The following PIK3CA variants were observed in gnomAD, a reference collection of about 807,000 sequenced individuals.
PIK3CA encodes the protein phosphatidylinositol-4,5-bisphosphate 3-kinase catalytic subunit alpha.
In PIK3CA, 27 loss-of-function variants were observed where a neutral mutation model predicts 138.2. That is an observed-to-expected ratio of 0.20 (90% confidence interval 0.14 to 0.27). The LOEUF (loss-of-function observed/expected upper bound fraction) is 0.27. Among genes scored for constraint, PIK3CA ranks in the 10% least tolerant of loss-of-function variants. PIK3CA has a pLI of 1.00. For synonymous variants in PIK3CA, 358 were observed against 413.2 expected (o/e 0.87, Z 1.62); for missense variants, 544 against 1,277.4 (o/e 0.43, Z 8.75).
chr3:179,149,449 A>C (rs1260388390), intron 1 of PIK3CA: 1 of 152,176 alleles, frequency 6.6e-6, no homozygotes, highest in Non-Finnish European at 1.5e-5. Context: ...CCGTGTTACC[A>C]GACTTGGGAA....
Position 179,224,125 on chromosome 3 carries a change from C to T in PIK3CA, c.2232C>T (p.Phe744=), listed in dbSNP as rs2108416763. 3 of 1,608,652 alleles carry T rather than the reference C, an allele frequency of 1.9e-6. No homozygotes were observed. The highest frequency in any genetic ancestry group is 2.6e-6 in the Non-Finnish European group (3 of 1,176,016). The change falls in exon 15 of 21, where the codon TTC becomes TTT. Residue 744 remains phenylalanine, a synonymous_variant. Coordinates refer to ENST00000263967, the MANE Select transcript of PIK3CA (RefSeq NM_006218.4). ...TTGAGCAAATGAGGCGACCAGATTT[C>T]ATGGATGCTCTACAGGGCTTTCTGT... ...FLVEQMRRPD[F]MDALQGFLSP...
chr3:179,172,523 C>T (rs1175435628), intron 1 of PIK3CA, among the ~76,000 whole-genome samples: 2 of 151,272 alleles, frequency 1.3e-5, no homozygotes, highest in African/African-American at 2.4e-5. Flanking sequence ...TAACAAGTGA[C>T]TTAGGCAAGG....
chr3:179,239,701 G>C lies in PIK3CA; in HGVS notation c.*5337G>C, dbSNP rs1196900673. Reference sequence around the variant, plus strand: ...CCAAAAGAAGACTACTAACACGTCAGATGTTCACCTGGAAGCTTTATCAAG... The same window carrying C: ...CCAAAAGAAGACTACTAACACGTCACATGTTCACCTGGAAGCTTTATCAAG... On this transcript the variant is annotated 3_prime_UTR_variant, in exon 21 of 21. Coordinates refer to ENST00000263967, the MANE Select transcript of PIK3CA (RefSeq NM_006218.4). 1 of 340,020 alleles carries C rather than the reference G, an allele frequency of 2.9e-6. No individual in the cohort carries two copies. The highest frequency in any genetic ancestry group is 2.1e-5 in the African/African-American group (1 of 47,426). The allele number at this position is 340,020 out of a possible 1,614,324, so 21.1% of individuals were successfully genotyped here.
intron 1 of PIK3CA, among the ~76,000 whole-genome samples, chr3:179,178,314 C>T (rs1723755531): frequency 6.8e-6 from 1 of 146,372 alleles, no homozygotes; most frequent in Non-Finnish European, 1.5e-5. Flanking sequence ...TTATGAACTA[C>T]TTAATATAAA....
chr3:179,211,538 G>A (rs1313880088), intron 9 of PIK3CA, among the ~76,000 whole-genome samples: 3 of 152,104 alleles, frequency 2.0e-5, no homozygotes, highest in Non-Finnish European at 4.4e-5. Context: ...GTGGTGGCAT[G>A]TGCCTGTAAT....
At chr3:179,190,069 C>CCA (rs1724088926) in intron 1 of PIK3CA, among the ~76,000 whole-genome samples, 1 of 152,164 alleles carries the variant, frequency 6.6e-6, no homozygotes, top group Admixed American at 6.5e-5. Flanking sequence ...CTGTGCATCT[C>CCA]CACTATAGTA....
chr3:179,168,975 A>G (rs2108360579), intron 1 of PIK3CA: 1 of 151,532 alleles, frequency 6.6e-6, no homozygotes, highest in South Asian at 2.1e-4. Context: ...TTGTAGTTTC[A>G]TAATTTTTTT....
intron 1 of PIK3CA, among the ~76,000 whole-genome samples, chr3:179,170,011 C>A (rs1723511344): frequency 6.6e-6 from 1 of 152,176 alleles, no homozygotes; most frequent in Non-Finnish European, 1.5e-5. Context: ...TTCCCTGCCT[C>A]CCTTCCTCCC....
chr3:179,153,716 G>A lies in PIK3CA; in HGVS notation c.-77+5113G>A, dbSNP rs991937891. On this transcript the variant is annotated intron_variant, in intron 1 of 20. Transcript: ENST00000263967. ...GTTTCTTGTTACCAGTCTTATTTTTGTATAAATCAAATTTGCTTGCCTGAG... is the reference window on the plus strand; with the variant it reads ...GTTTCTTGTTACCAGTCTTATTTTTATATAAATCAAATTTGCTTGCCTGAG... Among the ~76,000 whole-genome samples the A allele has an allele frequency of 5.3e-5, 8 of 152,098 alleles. No individual in the cohort carries two copies. In the East Asian group the frequency reaches 1.3e-3, roughly 26 times the overall value.
intron 1 of PIK3CA, among the ~76,000 whole-genome samples, chr3:179,183,159 A>G (rs1044602605): frequency 1.3e-5 from 2 of 152,210 alleles, no homozygotes; most frequent in Admixed American, 6.5e-5. Context: ...ATAAATCACT[A>G]TTAGTCAATA....
At chr3:179,156,930 A>C (rs1182047672) in intron 1 of PIK3CA, among the ~76,000 whole-genome samples, 1 of 152,074 alleles carries the variant, frequency 6.6e-6, no homozygotes, top group African/African-American at 2.4e-5. Context: ...TTTTTTTCTT[A>C]GGAGGTTAAT....
chr3:179,219,111 G>T lies in PIK3CA; in HGVS notation c.1665-85G>T. 1.3e-6 allele frequency: 1 copy of T among 746,208 alleles called. No homozygotes were observed. The highest frequency in any genetic ancestry group is 2.3e-6 in the Non-Finnish European group (1 of 438,586). 46.2% of individuals were successfully genotyped at this position (746,208 alleles called of 1,614,324 possible). On this transcript the variant is annotated intron_variant, in intron 10 of 20. Coordinates refer to ENST00000263967, the MANE Select transcript of PIK3CA (RefSeq NM_006218.4). This position sits in a 1 kb window ranked among gnomAD's most constrained non-coding sequence, Gnocchi z 4.2. The stretch of plus-strand genomic sequence containing the variant: ...ATGTAAGAAGTTTGGGACTTCTTAA[G>T]AAGATTCATATGGAGAAGTTAGACA...
Position 179,236,575 on chromosome 3 carries a change from GA to G in PIK3CA, c.*2212del, listed in dbSNP as rs1463761362. On this transcript the variant is annotated 3_prime_UTR_variant, in exon 21 of 21. Transcript: ENST00000263967. ...TTTACCCGAGTGCCAAAAATGCTGT[GA>G]GCCTCCTTGCACAAAATTTATACCA... 8.9e-6 allele frequency: 2 copies of G among 225,012 alleles called. No homozygotes were observed. Among genetic ancestry groups the G allele is most frequent in the Non-Finnish European group, 1.8e-5 (2 of 111,754 alleles). 13.9% of individuals were successfully genotyped at this position (225,012 alleles called of 1,614,324 possible). A position where few individuals can be genotyped will look rare whatever the true frequency, so the allele number is the denominator to read the frequency against.
intron 18 of PIK3CA, 109 bp from the exon 19 acceptor site, chr3:179,229,891 TGTCA>T: frequency 1.6e-6 from 1 of 639,146 alleles, no homozygotes; most frequent in Non-Finnish European, 2.7e-6. Flanking sequence ...CCTTATTCGT[TGTCA>T]GTGATTGTTT....
chr3:179,164,616 C>CCAG (rs1432288024), intron 1 of PIK3CA, among the ~76,000 whole-genome samples: 2 of 152,044 alleles, frequency 1.3e-5, no homozygotes, highest in African/African-American at 4.8e-5. Context: ...GCCTGTAATC[C>CCAG]CAGCACTTTG....
chr3:179,203,691 G>A lies in PIK3CA; in HGVS notation c.961G>A (p.Glu321Lys). 1 of 1,613,696 alleles carries A rather than the reference G, an allele frequency of 6.2e-7. No homozygotes were observed. Among genetic ancestry groups the A allele is most frequent in the Non-Finnish European group, 8.5e-7 (1 of 1,179,868 alleles). Residue 321 changes from glutamate to lysine, a missense_variant, in exon 5 of 21, where the codon GAA becomes AAA. Transcript: ENST00000263967. ...CACAGCTACACCATATATGAATGGA[G>A]AAACATCTACAAAATCCCTTTGGGT... Reference protein sequence around the residue: ...ISTATPYMNGETSTKSLWVIN... With the variant: ...ISTATPYMNGKTSTKSLWVIN...
rs1024855811 is a variant in PIK3CA, at chr3:179,235,756, A to G, written c.*1392A>G. On this transcript the variant is annotated 3_prime_UTR_variant, in exon 21 of 21. Transcript: ENST00000263967. ...CCATATCTCCAAAGTAGAACATTAAACCATTTTAAGATATGTCTCATTCCC... is the reference window on the plus strand; with the variant it reads ...CCATATCTCCAAAGTAGAACATTAAGCCATTTTAAGATATGTCTCATTCCC... 6 of 210,982 alleles carry G rather than the reference A, an allele frequency of 2.8e-5. No homozygotes were observed. The highest frequency in any genetic ancestry group is 1.4e-4 in the African/African-American group (6 of 44,204). 13.1% of individuals were successfully genotyped at this position (210,982 alleles called of 1,614,324 possible).
At chr3:179,151,453 C>T (rs1028307112) in intron 1 of PIK3CA, among the ~76,000 whole-genome samples, 1 of 152,190 alleles carries the variant, frequency 6.6e-6, no homozygotes, top group African/African-American at 2.4e-5. Flanking sequence ...TCCTTTACAT[C>T]ATGAACAGTG....
intron 6 of PIK3CA, among the ~76,000 whole-genome samples, chr3:179,206,760 CA>C (rs1560140697): frequency 6.6e-6 from 1 of 151,766 alleles, no homozygotes; most frequent in Admixed American, 6.6e-5. Flanking sequence ...ACCAAAAATA[CA>C]AAAAATTAGC....
Sources: allele counts gnomAD v4.1 joint callset (sites outside exome capture counted in the v4.1 genomes callset), GRCh38; gene constraint gnomAD v4.1.1; non-coding constraint Gnocchi (gnomAD v3.1); transcripts MANE v1.5; gene names NCBI Gene and HGNC (gene_info 2026-07-23, HGNC 2026-07-21).